Variants in UGT2B7 observed in about 807,000 individuals in gnomAD.
The protein encoded by UGT2B7 is UDP-glucuronosyltransferase 2B7.
Under a neutral mutation model 51.9 loss-of-function variants are expected in UGT2B7, and 51 were observed. The ratio of observed to expected loss-of-function variants is 0.98; its 90% CI spans 0.78 to 1.24. UGT2B7 has a LOEUF of 1.24. UGT2B7 is among the 50% of genes most tolerant of loss of function. The pLI is 0.00. For synonymous variants in UGT2B7, 225 were observed against 211.6 expected (o/e 1.06, Z -0.55); for missense variants, 727 against 628.4 (o/e 1.16, Z -1.68).
intron 1 of UGT2B7, among the ~76,000 whole-genome samples, chr4:69,079,628 C>T (rs1319983639): frequency 6.6e-6 from 1 of 152,120 alleles, no homozygotes; most frequent in Non-Finnish European, 1.5e-5. Flanking sequence ...CTTCCATTAA[C>T]GTTGCATTCA....
rs1366261224 is a variant in UGT2B7, at chr4:69,097,020, C to A, written c.500C>A (p.Pro167His). Residue 167 changes from proline to histidine, a missense_variant, in exon 1 of 6, where the codon CCC becomes CAC. Coordinates refer to ENST00000305231, the MANE Select transcript of UGT2B7 (RefSeq NM_001074.4). The stretch of plus-strand genomic sequence containing the variant: ...CTGCTGGCTGAGCTATTTAACATAC[C>A]CTTTGTGTACAGTCTCAGCTTCTCT... ...SELLAELFNI[P>H]FVYSLSFSPG... The A allele has an allele frequency of 6.2e-7, 1 of 1,613,510 alleles. No homozygotes were observed. The highest frequency in any genetic ancestry group is 1.3e-5 in the African/African-American group (1 of 74,822).
intron 2 of UGT2B7, among the ~76,000 whole-genome samples, chr4:69,102,549 T>C (rs1286645590): frequency 6.6e-6 from 1 of 152,118 alleles, no homozygotes; most frequent in Non-Finnish European, 1.5e-5. Context: ...TCCATTTCTT[T>C]TCTCCCTTAC....
chr4:69,102,761 G>T (rs749546894), intron 2 of UGT2B7, 46 bp from the exon 3 acceptor site: 2 of 1,585,190 alleles, frequency 1.3e-6, no homozygotes, highest in South Asian at 1.2e-5. Context: ...GGTAGTGCCC[G>T]CTGTGCTAAT....
At chr4:69,094,112 A>G (rs1204147558), upstream of UGT2B7, among the ~76,000 whole-genome samples, 1 of 151,232 alleles carries the variant, frequency 6.6e-6, no homozygotes, top group African/African-American at 2.4e-5. Flanking sequence ...AGCAAATCAC[A>G]CAATTTGTTT....
At chr4:69,078,203 C>A (rs1034036693) in intron 1 of UGT2B7, among the ~76,000 whole-genome samples, 1 of 151,952 alleles carries the variant, frequency 6.6e-6, no homozygotes, top group Non-Finnish European at 1.5e-5. Flanking sequence ...GTTTTGCCAG[C>A]ATTTTATTTA....
At chr4:69,057,222 T>C (rs1718224788) in intron 1 of UGT2B7, among the ~76,000 whole-genome samples, 2 of 152,114 alleles carry the variant, frequency 1.3e-5, no homozygotes, top group South Asian at 4.1e-4. Flanking sequence ...ACAGAAATTG[T>C]GTATTTGGGG....
rs560135869 is a variant in UGT2B7 at position 69,097,192 on chromosome 4, C to A, written c.672C>A (p.Phe224Leu). Residue 224 changes from phenylalanine (F) to leucine (L), a missense_variant, in exon 1 of 6, where the codon TTC (phenylalanine) becomes TTA (leucine). Physicochemically the swap from Phe to Leu is conservative, Grantham distance 22. Transcript: ENST00000305231. ...MIYVLYFDFW[F>L]EIFDMKKWDQ... The stretch of plus-strand genomic sequence containing the variant: ...ATGTGCTTTACTTTGACTTTTGGTT[C>A]GAAATATTTGACATGAAGAAGTGGG... 3 of 1,612,172 alleles carry A rather than the reference C, an allele frequency of 1.9e-6. No homozygotes were observed. The highest frequency in any genetic ancestry group is 2.5e-6 in the Non-Finnish European group (3 of 1,179,188).
At chr4:69,060,984 G>C (rs1034341724) in intron 1 of UGT2B7, among the ~76,000 whole-genome samples, 1 of 152,168 alleles carries the variant, frequency 6.6e-6, no homozygotes, top group Non-Finnish European at 1.5e-5. Flanking sequence ...AGAGAGATCT[G>C]ACAGATCGGC....
At chr4:69,104,609 A>C (rs1323879735) in intron 3 of UGT2B7, among the ~76,000 whole-genome samples, 1 of 152,170 alleles carries the variant, frequency 6.6e-6, no homozygotes, top group African/African-American at 2.4e-5. Context: ...ATTGATAATA[A>C]ATTTGGCATT....
At chr4:69,078,723 C>T (rs949708324) in intron 1 of UGT2B7, among the ~76,000 whole-genome samples, 5 of 152,080 alleles carry the variant, frequency 3.3e-5, no homozygotes, top group African/African-American at 1.2e-4. Context: ...TTTGTGCTTC[C>T]TGAAGTTCAG....
chr4:69,104,865 A>G (rs2109890786), intron 3 of UGT2B7, among the ~76,000 whole-genome samples: 1 of 152,324 alleles, frequency 6.6e-6, no homozygotes, highest in East Asian at 1.9e-4. Flanking sequence ...GCATCATGCA[A>G]TTTAGTCTTG....
intron 1 of UGT2B7, among the ~76,000 whole-genome samples, chr4:69,088,114 C>T (rs959437019): frequency 3.9e-5 from 6 of 152,046 alleles, no homozygotes; most frequent in Non-Finnish European, 8.8e-5. Context: ...GCCTACTTCA[C>T]TAATTTTAAT....
At chr4:69,082,007 C>A (rs959357333) in intron 1 of UGT2B7, among the ~76,000 whole-genome samples, 1 of 152,030 alleles carries the variant, frequency 6.6e-6, no homozygotes, top group East Asian at 1.9e-4. Flanking sequence ...CTAATTTTCA[C>A]AAAATTTCAA....
intron 5 of UGT2B7, among the ~76,000 whole-genome samples, chr4:69,109,103 T>C (rs572887351): frequency 4.3e-4 from 66 of 152,296 alleles, no homozygotes; most frequent in Non-Finnish European, 8.5e-4. Flanking sequence ...CATTTCTTTT[T>C]ATAGCAGTTT....
intron 1 of UGT2B7, among the ~76,000 whole-genome samples, chr4:69,079,664 T>C (rs1718791729): frequency 6.6e-6 from 1 of 152,126 alleles, no homozygotes; most frequent in Non-Finnish European, 1.5e-5. Context: ...AACCACCATA[T>C]TTTCTAGAAA....
chr4:69,064,112 A>AGAGAAAG (rs1718433031), intron 1 of UGT2B7, among the ~76,000 whole-genome samples: 11 of 86,842 alleles, frequency 1.3e-4, no homozygotes, highest in South Asian at 4.0e-4. Flanking sequence ...GAAAGAAAGA[A>AGAGAAAG]AAAGAAAGAA....
intron 1 of UGT2B7, chr4:69,067,552 G>C (rs1718507853): frequency 6.5e-6 from 1 of 154,972 alleles, no homozygotes; most frequent in Admixed American, 6.5e-5. Context: ...GAAGCTGTTA[G>C]ATTGGACTCA....
At position 69,107,156 on chromosome 4, in the gene UGT2B7, A is replaced by G. The variant is rs1243659761; in HGVS notation, c.1003-19A>G. ...TTGAATTCCACTCATGGAATAAAAT[A>G]TTTTCTTTATTGTAACAGGTTCTGT... On this transcript the variant is annotated intron_variant, in intron 3 of 5. Transcript: ENST00000305231. The G allele has an allele frequency of 2.5e-6, 4 of 1,602,496 alleles. No homozygotes were observed. The highest frequency in any genetic ancestry group is 1.7e-5 in the Admixed American group (1 of 58,816).
intron 1 of UGT2B7, among the ~76,000 whole-genome samples, chr4:69,097,653 G>C (rs532191329): frequency 3.2e-4 from 48 of 151,960 alleles, no homozygotes; most frequent in African/African-American, 1.2e-3. Context: ...GTTTTTTCTT[G>C]TAAACTTGTT....
Sources: gnomAD v4.1 joint callset for allele counts (sites outside exome capture counted in the v4.1 genomes callset) on GRCh38, gnomAD v4.1.1 for gene constraint, MANE v1.5 for transcripts, NCBI Gene and HGNC (gene_info 2026-07-23, HGNC 2026-07-21) for gene names.